The following DCAF6 variants were observed in gnomAD, a reference collection of about 807,000 sequenced individuals.
DCAF6 encodes DDB1 and CUL4 associated factor 6.
In DCAF6, 54 loss-of-function variants were observed where a neutral mutation model predicts 125.1. The observed-to-expected ratio is 0.43, with a 90% CI of 0.35 to 0.54. The LOEUF (loss-of-function observed/expected upper bound fraction) is 0.54, where lower values mean the gene tolerates loss of function less well. Ranked by LOEUF, DCAF6 falls within the 20% of genes least tolerant of loss-of-function variation. The pLI is 0.01. For missense variants in DCAF6, 934 were observed against 1,161.7 expected, an observed-to-expected ratio of 0.80 and a Z score of 2.85; for synonymous variants, 371 against 390.4, an observed-to-expected ratio of 0.95 and a Z score of 0.58.
intron 12 of DCAF6, among the ~76,000 whole-genome samples, chr1:168,027,934 AG>A (rs1686556546): frequency 6.6e-6 from 1 of 152,160 alleles, no homozygotes; most frequent in Non-Finnish European, 1.5e-5. Flanking sequence ...ACAAAATTGT[AG>A]GGAAATAAAT....
At chr1:167,942,143 G>A (rs751113476) in intron 1 of DCAF6, among the ~76,000 whole-genome samples, 4 of 152,108 alleles carry the variant, frequency 2.6e-5, no homozygotes, top group African/African-American at 9.7e-5. Flanking sequence ...TTGGCTTACC[G>A]CAACCTCTGC....
At chr1:167,985,011 G>A (rs1475033337) in intron 4 of DCAF6, among the ~76,000 whole-genome samples, 1 of 152,150 alleles carries the variant, frequency 6.6e-6, no homozygotes, top group Non-Finnish European at 1.5e-5. Context: ...AAGAGAGCTT[G>A]TGTGGAAAAA....
intron 2 of DCAF6, among the ~76,000 whole-genome samples, chr1:167,956,669 T>G (rs535367211): frequency 6.6e-6 from 1 of 152,290 alleles, no homozygotes; most frequent in African/African-American, 2.4e-5. Flanking sequence ...ATGAGACCGT[T>G]GTCTTTTCTA....
upstream of DCAF6, chr1:167,936,161 C>A: frequency 3.2e-6 from 1 of 309,590 alleles, no homozygotes; most frequent in Non-Finnish European, 6.2e-6. Context: ...CTGCTGGCAG[C>A]GCGCTTGCGC....
intron 2 of DCAF6, among the ~76,000 whole-genome samples, chr1:167,966,229 C>T (rs1302713777): frequency 3.3e-5 from 5 of 152,268 alleles, no homozygotes; most frequent in African/African-American, 7.2e-5. Flanking sequence ...AAGCTTCTTA[C>T]GTGTGGAACT....
chr1:167,894,780 G>C, the DCAF6 span, among the ~76,000 whole-genome samples: 3 of 152,166 alleles, frequency 2.0e-5, no homozygotes, highest in Admixed American at 6.5e-5. Context: ...TAGGTAGTTG[G>C]TCAGAAGTGC....
intron 2 of DCAF6, among the ~76,000 whole-genome samples, chr1:167,962,770 C>A (rs1051220561): frequency 2.0e-5 from 3 of 151,976 alleles, no homozygotes; most frequent in Non-Finnish European, 4.4e-5. Context: ...GCCTGGCCAA[C>A]GTGGCAAAAC....
At chr1:167,902,177 A>G in the DCAF6 span, 1 of 976,172 alleles carries the variant, frequency 1.0e-6, no homozygotes, top group Non-Finnish European at 1.6e-6. Context: ...ATAGGCTTAT[A>G]CTAAAGATCT....
At chr1:168,052,491 C>G (rs1482151672) in intron 17 of DCAF6, among the ~76,000 whole-genome samples, 1 of 152,134 alleles carries the variant, frequency 6.6e-6, no homozygotes, top group Non-Finnish European at 1.5e-5. Context: ...TAGAGATTAT[C>G]TGGTGGAAAC....
intron 2 of DCAF6, among the ~76,000 whole-genome samples, chr1:167,953,840 C>T (rs753737116): frequency 4.6e-5 from 7 of 152,170 alleles, no homozygotes; most frequent in Non-Finnish European, 8.8e-5. Flanking sequence ...CTCAGGTGAT[C>T]TGCCCGCCTT....
intron 2 of DCAF6, among the ~76,000 whole-genome samples, chr1:167,961,310 TCGG>T (rs1293267801): frequency 2.0e-5 from 3 of 152,206 alleles, no homozygotes; most frequent in African/African-American, 2.4e-5. Flanking sequence ...TGGCGCGATC[TCGG>T]CTCAATGCAA....
At position 168,038,400 on chromosome 1, in the gene DCAF6, C is replaced by G; in HGVS notation, c.1639C>G (p.Pro547Ala). 1 of 1,611,582 alleles carries G rather than the reference C, an allele frequency of 6.2e-7. No individual in the cohort carries two copies. Among genetic ancestry groups the G allele is most frequent in the South Asian group, 1.1e-5 (1 of 90,602 alleles). The part of the protein sequence containing the change: ...DNNNEKLSPK[P>A]GTGEPVLSLH... ...CAATAATGAAAAGCTGAGCCCCAAACCAGGGACAGGTGAACCAGTTTTAAG... is the reference window on the plus strand; with the variant it reads ...CAATAATGAAAAGCTGAGCCCCAAAGCAGGGACAGGTGAACCAGTTTTAAG... The change falls in exon 13 of 22, where the codon CCA (proline) becomes GCA (alanine). Residue 547 changes from proline to alanine, a missense_variant. Around this residue, in one of 5 missense-constraint regions of DCAF6, gnomAD observed 559 missense variants for 635.5 expected, o/e 0.88. Coordinates refer to ENST00000367840, the MANE Select transcript of DCAF6 (RefSeq NM_001198956.2).
At chr1:167,893,583 G>A in the DCAF6 span, among the ~76,000 whole-genome samples, 13 of 151,002 alleles carry the variant, frequency 8.6e-5, no homozygotes, top group African/African-American at 2.7e-4. Flanking sequence ...GTGTGGTGGC[G>A]CATGTGGGAG....
intron 7 of DCAF6, among the ~76,000 whole-genome samples, chr1:167,996,934 C>G (rs1681803074): frequency 6.6e-6 from 1 of 152,124 alleles, no homozygotes; most frequent in African/African-American, 2.4e-5. Flanking sequence ...CTACCTATCC[C>G]CTTTTCTACT....
At chr1:168,007,931 T>C (rs1683566101) in intron 10 of DCAF6, among the ~76,000 whole-genome samples, 1 of 151,644 alleles carries the variant, frequency 6.6e-6, no homozygotes, top group African/African-American at 2.4e-5. Flanking sequence ...GACTGCTATT[T>C]TGACAGTATG....
chr1:168,004,014 C>A, intron 9 of DCAF6, 25 bp downstream of exon 9: 1 of 1,599,802 alleles, frequency 6.3e-7, no homozygotes, highest in South Asian at 1.1e-5. Context: ...TAATTAAAGT[C>A]ATCAGAAAGC....
intron 13 of DCAF6, among the ~76,000 whole-genome samples, chr1:168,040,534 A>T (rs1394613068): frequency 1.3e-5 from 2 of 151,806 alleles, no homozygotes; most frequent in African/African-American, 2.4e-5. Flanking sequence ...TTGAAGGTGC[A>T]GCCAGTAGGA....
chr1:167,877,054 C>T, the DCAF6 span, among the ~76,000 whole-genome samples: 2 of 152,012 alleles, frequency 1.3e-5, no homozygotes, highest in African/African-American at 4.8e-5. Flanking sequence ...TTGAACCCCA[C>T]ATTTGTGAGA....
the DCAF6 span, among the ~76,000 whole-genome samples, chr1:167,927,287 C>G: frequency 3.3e-5 from 5 of 152,142 alleles, no homozygotes; most frequent in Non-Finnish European, 7.3e-5. Flanking sequence ...GCTCTCTTCC[C>G]CTGAGTCTGA....
Sources: gnomAD v4.1 joint callset for allele counts (sites outside exome capture counted in the v4.1 genomes callset) on GRCh38, gnomAD v4.1.1 for gene constraint, gnomAD v4.1.1 regional missense constraint, MANE v1.5 for transcripts, NCBI Gene and HGNC (gene_info 2026-07-23, HGNC 2026-07-21) for gene names.